Variants in KCTD16 observed in about 807,000 individuals in gnomAD.
KCTD16 encodes the protein potassium channel tetramerization domain containing 16.
KCTD16 carries 13 observed loss-of-function variants against 33.2 expected under a neutral mutation model. The ratio of observed to expected loss-of-function variants is 0.39; its 90% confidence interval spans 0.25 to 0.62. KCTD16 has a LOEUF of 0.62. Ranked by LOEUF, KCTD16 falls within the 20% of genes least tolerant of loss-of-function variation. The pLI, the probability that KCTD16 is intolerant of heterozygous loss-of-function variation, is 0.50. For synonymous variants in KCTD16, 197 were observed against 195.3 expected (o/e 1.01, Z -0.07); for missense variants, 441 against 525.1 (o/e 0.84, Z 1.57).
At chr5:144,417,667 A>G (rs1337114406) in intron 3 of KCTD16, among the ~76,000 whole-genome samples, 4 of 152,146 alleles carry the variant, frequency 2.6e-5, no homozygotes, top group Admixed American at 6.6e-5. Context: ...TGTCATATCC[A>G]TTACCAAACC....
At chr5:144,320,970 C>T (rs1752057705) in intron 3 of KCTD16, among the ~76,000 whole-genome samples, 1 of 152,106 alleles carries the variant, frequency 6.6e-6, no homozygotes, top group Admixed American at 6.5e-5. Context: ...ATTCTCCTGC[C>T]TCAGCCTCCT....
chr5:144,239,799 G>A (rs1754351782), intron 3 of KCTD16, among the ~76,000 whole-genome samples: 1 of 152,080 alleles, frequency 6.6e-6, no homozygotes, highest in Admixed American at 6.6e-5. Flanking sequence ...TAGATTTTAA[G>A]GCTGGAAAAT....
chr5:144,395,764 G>T (rs1419015445), intron 3 of KCTD16, among the ~76,000 whole-genome samples: 1 of 152,146 alleles, frequency 6.6e-6, no homozygotes, highest in Admixed American at 6.5e-5. Context: ...ACCATGGGAG[G>T]CCATCAAGCA....
intron 2 of KCTD16, among the ~76,000 whole-genome samples, chr5:144,197,111 G>A (rs1262118594): frequency 6.6e-6 from 1 of 152,180 alleles, no homozygotes; most frequent in African/African-American, 2.4e-5. Flanking sequence ...AGTAACTGAT[G>A]CATAAAATAG....
At position 144,388,065 on chromosome 5, in the gene KCTD16, G is replaced by GTTTTTTTTTTT. The variant is rs397999492; in HGVS notation, c.833-85575_833-85565dup. ...AATCCAGAGTTCAATTTTAGAGCAA[G>GTTTTTTTTTTT]TTTTTTTTTTTTTTTTTTTTTTTTT... On this transcript the variant is annotated intron_variant, in intron 3 of 3. Transcript: ENST00000512467. Among the ~76,000 whole-genome samples the GTTTTTTTTTTT allele has an allele frequency of 7.6e-4, 56 of 73,660 alleles. 11 individuals are homozygous for GTTTTTTTTTTT. Among genetic ancestry groups the GTTTTTTTTTTT allele is most frequent in the African/African-American group, 2.9e-3 (47 of 16,100 alleles). 48.3% of individuals were successfully genotyped at this position (73,660 alleles called of 152,430 possible).
At chr5:144,299,140 ATATATATATTTTTTT>A (rs1751338090) in intron 3 of KCTD16, among the ~76,000 whole-genome samples, 1 of 27,026 alleles carries the variant, frequency 3.7e-5, no homozygotes, top group African/African-American at 3.7e-4. Flanking sequence ...ATATATATAT[ATATATATATTTTTTT>A]TTTTTTTTTT....
intron 3 of KCTD16, among the ~76,000 whole-genome samples, chr5:144,388,292 A>T (rs1255420766): frequency 6.6e-6 from 1 of 151,888 alleles, no homozygotes; most frequent in African/African-American, 2.4e-5. Flanking sequence ...CGTGTTATCC[A>T]GGATGGTCTC....
intron 3 of KCTD16, among the ~76,000 whole-genome samples, chr5:144,441,476 G>A (rs1228589352): frequency 6.6e-6 from 1 of 151,930 alleles, no homozygotes; most frequent in African/African-American, 2.4e-5. Flanking sequence ...TGTGCACAAC[G>A]ATATCTTAAG....
chr5:144,209,096 A>G (rs1753284134), intron 3 of KCTD16, among the ~76,000 whole-genome samples: 2 of 152,228 alleles, frequency 1.3e-5, no homozygotes, highest in South Asian at 2.1e-4. Context: ...GATAGTTCCA[A>G]TGCAGCTTTG....
At chr5:144,432,723 G>A (rs1364753611) in intron 3 of KCTD16, among the ~76,000 whole-genome samples, 1 of 151,932 alleles carries the variant, frequency 6.6e-6, no homozygotes, top group Non-Finnish European at 1.5e-5. Context: ...GCTTTCCTCT[G>A]CTAATGTAAT....
chr5:144,307,806 CTTCTTTCTGAAA>C (rs1751648901), intron 3 of KCTD16, among the ~76,000 whole-genome samples: 3 of 152,242 alleles, frequency 2.0e-5, no homozygotes, highest in Admixed American at 2.0e-4. Context: ...CTACTACTAA[CTTCTTTCTGAAA>C]TTCTTAGCCA....
At chr5:144,369,696 G>A (rs533413113) in intron 3 of KCTD16, among the ~76,000 whole-genome samples, 3 of 152,094 alleles carry the variant, frequency 2.0e-5, no homozygotes, top group Non-Finnish European at 4.4e-5. Context: ...AAAGATGTTA[G>A]GGATTTTCAT....
At chr5:144,173,711 A>G (rs929406917) in intron 1 of KCTD16, among the ~76,000 whole-genome samples, 12 of 152,314 alleles carry the variant, frequency 7.9e-5, no homozygotes, top group African/African-American at 2.9e-4. Flanking sequence ...TAACGTATTT[A>G]TTTAAATTTT....
chr5:144,205,795 A>C (rs902093930), intron 2 of KCTD16: 4 of 386,002 alleles, frequency 1.0e-5, no homozygotes, highest in African/African-American at 4.1e-5. Flanking sequence ...TTTTAACTTA[A>C]GATACGGAAT....
intron 2 of KCTD16, among the ~76,000 whole-genome samples, chr5:144,200,358 A>G (rs1226141944): frequency 6.6e-6 from 1 of 152,170 alleles, no homozygotes; most frequent in Non-Finnish European, 1.5e-5. Context: ...TGAAGCTTTT[A>G]TCTGAATCTG....
intron 3 of KCTD16, among the ~76,000 whole-genome samples, chr5:144,356,562 G>T (rs955326791): frequency 2.6e-5 from 4 of 151,532 alleles, no homozygotes; most frequent in Non-Finnish European, 5.9e-5. Flanking sequence ...TGGAAGAAGG[G>T]GTCCAGTTCC....
At chr5:144,268,326 A>G (rs540458545) in intron 3 of KCTD16, among the ~76,000 whole-genome samples, 5 of 152,318 alleles carry the variant, frequency 3.3e-5, no homozygotes, top group African/African-American at 1.2e-4. Flanking sequence ...GCTATTGTTG[A>G]CAGCCCTTCC....
rs1352397788 is a variant in KCTD16, at chr5:144,483,154, A to T, written c.*9040A>T. On this transcript the variant is annotated 3_prime_UTR_variant, in exon 4 of 4. Coordinates refer to ENST00000512467, the MANE Select transcript of KCTD16 (RefSeq NM_020768.4). ...TCTTCATTCCAAAAAAAAAAAAAAA[A>T]CCAAACCAGAAAAAACCCAAAACAC... The T allele has an allele frequency of 6.6e-6, 1 of 150,632 alleles. No individual in the cohort carries two copies. The highest frequency in any genetic ancestry group is 2.4e-5 in the African/African-American group (1 of 41,170). The allele number at this position is 150,632 out of a possible 1,614,324, so 9.3% of individuals were successfully genotyped here.
At chr5:144,197,092 A>G (rs1216179793) in intron 2 of KCTD16, among the ~76,000 whole-genome samples, 2 of 152,242 alleles carry the variant, frequency 1.3e-5, no homozygotes, top group African/African-American at 4.8e-5. Context: ...ATGTTTGGAA[A>G]GAATGCAGAG....
Sources: allele counts gnomAD v4.1 joint callset (sites outside exome capture counted in the v4.1 genomes callset), GRCh38; gene constraint gnomAD v4.1.1; transcripts MANE v1.5; gene names NCBI Gene and HGNC (gene_info 2026-07-23, HGNC 2026-07-21).